Variants in ZIM2 observed in about 807,000 individuals in gnomAD.
ZIM2 encodes the protein zinc finger imprinted 2.
In ZIM2, 14 loss-of-function variants were observed where a neutral mutation model predicts 38.6. The ratio of observed to expected loss-of-function variants is 0.36; its 90% confidence interval spans 0.24 to 0.57. The LOEUF is 0.57. ZIM2 is among the 20% of genes least tolerant of loss of function. The probability of loss-of-function intolerance (pLI) is 0.81; values close to 1 mark genes in which losing one functional copy is unlikely to be tolerated. For missense variants in ZIM2, 680 were observed against 695.1 expected (o/e 0.98, Z 0.24); for synonymous variants, 247 against 245.8 (o/e 1.00, Z -0.04).
At chr19:56,781,718 G>C (rs1251908623) in intron 11 of ZIM2, among the ~76,000 whole-genome samples, 4 of 152,298 alleles carry the variant, frequency 2.6e-5, no homozygotes, top group Middle Eastern at 3.4e-3. Flanking sequence ...GATTAAAGGA[G>C]TTGAAATATG....
chr19:56,790,054 G>T, intron 9 of ZIM2, 103 bp from the exon 10 acceptor site: 1 of 889,728 alleles, frequency 1.1e-6, no homozygotes, highest in Non-Finnish European at 1.6e-6. Flanking sequence ...CCATGGGAAG[G>T]AACAGCAGCT....
chr19:56,800,605 G>C (rs1435483840), intron 9 of ZIM2, among the ~76,000 whole-genome samples: 1 of 151,650 alleles, frequency 6.6e-6, no homozygotes, highest in Non-Finnish European at 1.5e-5. Flanking sequence ...CAGTAAGTAA[G>C]AGAGAGAAAG....
intron 2 of ZIM2, among the ~76,000 whole-genome samples, chr19:56,832,493 T>G (rs142492101): frequency 2.6e-4 from 39 of 152,332 alleles, no homozygotes; most frequent in African/African-American, 9.1e-4. Flanking sequence ...ACCCATATCC[T>G]TCCTGGCTTG....
At position 56,814,381 on chromosome 19, in the gene ZIM2, T is replaced by G. The variant is rs1316597176; in HGVS notation, c.490+3365A>C. 4.3e-6 allele frequency: 7 copies of G among 1,612,846 alleles called. No homozygotes were observed. Among genetic ancestry groups the G allele is most frequent in the South Asian group, 1.1e-5 (1 of 91,074 alleles). On this transcript the variant is annotated intron_variant, in intron 9 of 12. Coordinates refer to ENST00000629319, the MANE Select transcript of ZIM2 (RefSeq NM_001387356.1). The surrounding 1 kb of genome is among the most constrained non-coding windows in gnomAD (Gnocchi z 5.8). ...TTCATCTTCTTCTTCTTCTTCCAGATGAAGCTCCTTATGTTTAGTGAGGAC... is the reference window on the plus strand; with the variant it reads ...TTCATCTTCTTCTTCTTCTTCCAGAGGAAGCTCCTTATGTTTAGTGAGGAC...
intron 9 of ZIM2, among the ~76,000 whole-genome samples, chr19:56,794,557 G>A (rs1392990640): frequency 2.6e-5 from 4 of 152,124 alleles, no homozygotes; most frequent in African/African-American, 9.7e-5. Context: ...TAGACAAAAG[G>A]GATAAACTGT....
In ZIM2 at chr19:56,814,463, C is replaced by T. The variant is rs1410989427; in HGVS notation, c.490+3283G>A. ...TTGCATTCATAGAATGGTATAGCTC[C>T]TTTGAGGGGCTCAGTAAGAAATGAG... is the stretch of plus-strand genomic sequence containing the variant. On this transcript the variant is annotated intron_variant, in intron 9 of 12. Transcript: ENST00000629319. This position sits in a 1 kb window ranked among gnomAD's most constrained non-coding sequence, Gnocchi z 5.8. The T allele has an allele frequency of 1.2e-6, 2 of 1,613,882 alleles. No individual in the cohort carries two copies. Among genetic ancestry groups the T allele is most frequent in the East Asian group, 2.2e-5 (1 of 44,880 alleles).
chr19:56,789,768 C>T, intron 10 of ZIM2, 104 bp downstream of exon 10: 1 of 1,022,696 alleles, frequency 9.8e-7, no homozygotes. Context: ...TATATAAAAA[C>T]TTAATGGAAA....
At chr19:56,784,331 C>T (rs1386512986) in intron 10 of ZIM2, among the ~76,000 whole-genome samples, 2 of 151,896 alleles carry the variant, frequency 1.3e-5, no homozygotes, top group African/African-American at 4.8e-5. Context: ...TAATATGCTA[C>T]AATACCTTGA....
intron 4 of ZIM2, 28 bp from the exon 5 acceptor site, chr19:56,823,707 T>C (rs765766099): frequency 1.2e-6 from 2 of 1,612,992 alleles, no homozygotes; most frequent in African/African-American, 1.3e-5. Flanking sequence ...GCCAAGTTAC[T>C]ATCTCTGGCC....
intron 9 of ZIM2, among the ~76,000 whole-genome samples, chr19:56,790,514 C>A (rs1219459055): frequency 6.6e-6 from 1 of 152,180 alleles, no homozygotes; most frequent in Non-Finnish European, 1.5e-5. Flanking sequence ...GTATACACTA[C>A]CCCTTAGTCA....
chr19:56,781,922 A>T, intron 11 of ZIM2, 31 bp downstream of exon 11: 2 of 1,604,878 alleles, frequency 1.2e-6, no homozygotes, highest in Non-Finnish European at 1.7e-6. Flanking sequence ...TAGTGGGAAG[A>T]AACCAAGTCC....
intron 9 of ZIM2, chr19:56,811,218 A>C (rs1187606345): frequency 2.1e-6 from 2 of 968,096 alleles, no homozygotes; most frequent in Non-Finnish European, 2.5e-6. Flanking sequence ...ACATTCAAGA[A>C]ATTTAAGAAA....
At chr19:56,783,283 G>C (rs1398190644) in intron 10 of ZIM2, among the ~76,000 whole-genome samples, 1 of 152,116 alleles carries the variant, frequency 6.6e-6, no homozygotes, top group African/African-American at 2.4e-5. Flanking sequence ...AGTAGCCTAA[G>C]GTTGAATTTA....
intron 11 of ZIM2, among the ~76,000 whole-genome samples, chr19:56,781,228 T>TTCCCCAGGTTAC (rs111854199): frequency 2.0e-5 from 3 of 152,142 alleles, no homozygotes; most frequent in African/African-American, 7.2e-5. Flanking sequence ...GGTCCCTGAC[T>TTCCCCAGGTTAC]TGCCAGTGGA....
At chr19:56,829,783 C>T (rs903124275) in intron 2 of ZIM2, among the ~76,000 whole-genome samples, 15 of 152,232 alleles carry the variant, frequency 9.9e-5, no homozygotes, top group Non-Finnish European at 1.6e-4. Flanking sequence ...ACATACTTAC[C>T]TCACCCTGAC....
chr19:56,805,359 A>G (rs2047707043), intron 9 of ZIM2, among the ~76,000 whole-genome samples: 1 of 152,208 alleles, frequency 6.6e-6, no homozygotes, highest in Admixed American at 6.5e-5. Flanking sequence ...AGGGCCAGGC[A>G]CGCAACTCAG....
In ZIM2 at chr19:56,813,829, G is replaced by A. The variant is rs745497032; in HGVS notation, c.490+3917C>T. ...GATGTAGCCTGAGCACTCCCCAAAG[G>A]CATTTGCAGGCTCAAATATGATCAT... On this transcript the variant is annotated intron_variant, in intron 9 of 12. Coordinates refer to ENST00000629319, the MANE Select transcript of ZIM2 (RefSeq NM_001387356.1). 5.0e-6 allele frequency: 8 copies of A among 1,614,034 alleles called. No homozygotes were observed. The African/African-American group carries it at 6.7e-5, about 13-fold the overall frequency.
intron 2 of ZIM2, among the ~76,000 whole-genome samples, chr19:56,835,134 T>A (rs1453095523): frequency 2.6e-5 from 4 of 151,996 alleles, no homozygotes; most frequent in Non-Finnish European, 5.9e-5. Flanking sequence ...CCACCATCTC[T>A]CACCCAGGCC....
chr19:56,775,636 T>G, intron 12 of ZIM2, 107 bp from the exon 13 acceptor site: 1 of 1,481,954 alleles, frequency 6.7e-7, no homozygotes, highest in Non-Finnish European at 8.9e-7. Flanking sequence ...TGCTTTGGTT[T>G]CAGGTCTCTT....
Sources: allele counts gnomAD v4.1 joint callset (sites outside exome capture counted in the v4.1 genomes callset), GRCh38; gene constraint gnomAD v4.1.1; non-coding constraint Gnocchi (gnomAD v3.1); transcripts MANE v1.5; gene names NCBI Gene and HGNC (gene_info 2026-07-23, HGNC 2026-07-21).